The following ASAP1 variants were observed in gnomAD, a reference collection of about 807,000 sequenced individuals.
The protein encoded by ASAP1 is ArfGAP with SH3 domain, ankyrin repeat and PH domain 1, also known as arf-GAP with SH3 domain, ANK repeat and PH domain-containing protein 1.
In ASAP1, 43 loss-of-function variants were observed where a neutral mutation model predicts 145.2. That is an observed-to-expected ratio of 0.30 (90% confidence interval 0.23 to 0.38). ASAP1 has a LOEUF of 0.38. Among genes scored for constraint, ASAP1 ranks in the 10% least tolerant of loss-of-function variants. ASAP1 has a pLI of 1.00. For missense variants in ASAP1, 1,018 were observed against 1,355.3 expected (o/e 0.75, Z 3.91); for synonymous variants, 546 against 515.5 (o/e 1.06, Z -0.80).
At chr8:130,420,711 T>A (rs1196640184) in intron 1 of ASAP1, among the ~76,000 whole-genome samples, 1 of 151,986 alleles carries the variant, frequency 6.6e-6, no homozygotes, top group Non-Finnish European at 1.5e-5. Flanking sequence ...CTGGCCAACA[T>A]GGAGAAACCC....
intron 3 of ASAP1, among the ~76,000 whole-genome samples, chr8:130,297,294 C>A (rs1008334569): frequency 3.6e-4 from 55 of 152,186 alleles, no homozygotes; most frequent in Middle Eastern, 3.2e-3. Context: ...CGTAGTCGGC[C>A]CTGCAGAACC....
At chr8:130,185,739 AAAAAAAAAAGAAAAAGAAAAAG>A (rs1814675838) in intron 7 of ASAP1, among the ~76,000 whole-genome samples, 1 of 151,128 alleles carries the variant, frequency 6.6e-6, no homozygotes, top group South Asian at 2.1e-4. Flanking sequence ...CAAAAAAAAA[AAAAAAAAAAGAAAAAGAAAAAG>A]AAAAAAAAAG....
intron 4 of ASAP1, among the ~76,000 whole-genome samples, chr8:130,219,099 A>C (rs185962844): frequency 6.6e-6 from 1 of 152,178 alleles, no homozygotes. Flanking sequence ...TGTGCCCCAA[A>C]ATGTCAGCTA....
intron 2 of ASAP1, among the ~76,000 whole-genome samples, chr8:130,398,329 T>A (rs1311790964): frequency 6.6e-6 from 1 of 152,180 alleles, no homozygotes; most frequent in South Asian, 2.1e-4. Context: ...CAAGTTACTA[T>A]CCTCTCTGAC....
chr8:130,283,719 G>A (rs1158125416), intron 3 of ASAP1, among the ~76,000 whole-genome samples: 3 of 151,828 alleles, frequency 2.0e-5, no homozygotes, highest in Non-Finnish European at 2.9e-5. Flanking sequence ...ACAGAAAGTT[G>A]TAGTTGAGAC....
At chr8:130,070,099 C>G (rs985637858) in intron 27 of ASAP1, among the ~76,000 whole-genome samples, 32 of 152,122 alleles carry the variant, frequency 2.1e-4, no homozygotes, top group Non-Finnish European at 3.4e-4. Context: ...TGCAGTGGCG[C>G]AATCTCGGCT....
rs1325153712 is a variant in ASAP1 at position 130,358,741 on chromosome 8, G to A, written c.60-598C>T. Among the ~76,000 whole-genome samples the A allele has an allele frequency of 9.8e-6, 1 of 102,178 alleles. No homozygotes were observed. Among genetic ancestry groups the A allele is most frequent in the South Asian group, 3.3e-4 (1 of 3,062 alleles). The allele number at this position is 102,178 out of a possible 152,430, so 67.0% of individuals were successfully genotyped here. On this transcript the variant is annotated intron_variant, in intron 2 of 29. Transcript: ENST00000518721. This position sits in a 1 kb window ranked among gnomAD's most constrained non-coding sequence, Gnocchi z 4.1. ...CCGCCCGCGCCCCGCCCCCGGCCCG[G>A]CCCCCGCCCCGCCCCGCCCCCGCTC...
At chr8:130,419,988 G>T (rs1294026506) in intron 1 of ASAP1, among the ~76,000 whole-genome samples, 8 of 149,916 alleles carry the variant, frequency 5.3e-5, no homozygotes, top group African/African-American at 1.5e-4. Context: ...TGGGGGTCTT[G>T]CTATGTTTAC....
intron 29 of ASAP1, 53 bp from the exon 30 acceptor site, chr8:130,054,858 C>T (rs149209877): frequency 2.7e-5 from 40 of 1,466,190 alleles, no homozygotes; most frequent in Admixed American, 2.3e-4. Flanking sequence ...AGTGGCCCCA[C>T]GACAAACCCA....
intron 5 of ASAP1, among the ~76,000 whole-genome samples, chr8:130,203,001 A>G (rs916480379): frequency 2.6e-5 from 4 of 152,204 alleles, no homozygotes; most frequent in Admixed American, 6.5e-5. Context: ...GAAAAGGGGA[A>G]GTGGCAACCA....
intron 1 of ASAP1, among the ~76,000 whole-genome samples, chr8:130,420,622 G>C (rs552440189): frequency 2.2e-4 from 33 of 152,118 alleles, no homozygotes; most frequent in African/African-American, 8.0e-4. Context: ...GGCCAGGTGC[G>C]GTGGCTCACA....
In ASAP1 at chr8:130,054,608, G is replaced by GGA. The variant is rs2097399603; in HGVS notation, c.*122_*123insTC. The GGA allele has an allele frequency of 5.1e-6, 4 of 786,366 alleles. No individual in the cohort carries two copies. Among genetic ancestry groups the GGA allele is most frequent in the Non-Finnish European group, 8.9e-6 (4 of 451,066 alleles). The allele number at this position is 786,366 out of a possible 1,614,324, so 48.7% of individuals were successfully genotyped here. The stretch of plus-strand genomic sequence containing the variant: ...ACAACACACATTATATCCCCCTCCT[G>GGA]AGGTGGCCCTTCCATGAGTTTCTTA... On this transcript the variant is annotated 3_prime_UTR_variant, in exon 30 of 30. Coordinates refer to ENST00000518721, the MANE Select transcript of ASAP1 (RefSeq NM_018482.4).
intron 3 of ASAP1, among the ~76,000 whole-genome samples, chr8:130,350,932 G>A (rs1004198546): frequency 2.0e-5 from 3 of 152,214 alleles, no homozygotes; most frequent in Admixed American, 2.0e-4. Flanking sequence ...AACAGTCCCA[G>A]ACTAAGCATG....
At chr8:130,294,253 A>G (rs1398710438) in intron 3 of ASAP1, among the ~76,000 whole-genome samples, 1 of 152,222 alleles carries the variant, frequency 6.6e-6, no homozygotes, top group Non-Finnish European at 1.5e-5. Flanking sequence ...TGTACTCATA[A>G]GACTTTCGAG....
chr8:130,118,345 C>T (rs186941931), intron 19 of ASAP1, 99 bp from the exon 20 acceptor site: 59 of 1,347,492 alleles, frequency 4.4e-5, no homozygotes, highest in Admixed American at 1.5e-4. Flanking sequence ...AAGGAGCACA[C>T]CTCTTCACTC....
chr8:130,180,653 CAA>C, intron 8 of ASAP1, 96 bp downstream of exon 8: 1 of 1,388,060 alleles, frequency 7.2e-7, no homozygotes, highest in Non-Finnish European at 9.7e-7. Context: ...CTCTAATAAT[CAA>C]ACAGAGTCTG....
intron 21 of ASAP1, 65 bp from the exon 22 acceptor site, chr8:130,116,810 A>G: frequency 6.3e-7 from 1 of 1,584,514 alleles, no homozygotes. Context: ...GCAAGGAACA[A>G]TAATCAAATT....
intron 16 of ASAP1, among the ~76,000 whole-genome samples, chr8:130,127,661 C>T (rs2097577076): frequency 6.6e-6 from 1 of 152,088 alleles, no homozygotes; most frequent in South Asian, 2.1e-4. Context: ...CCATAATGTC[C>T]ATGGTGCTTA....
At position 130,402,920 on chromosome 8, in the gene ASAP1, GTTTT is replaced by G. The variant is rs869195255; in HGVS notation, c.-27-954_-27-951del. On this transcript the variant is annotated intron_variant, in intron 1 of 29. Transcript: ENST00000518721. ...TGAAAGCAGAATAATCTTTTGTGGG[GTTTT>G]TTTTTTTTTAATCTTTTATTACAGG... is the stretch of plus-strand genomic sequence containing the variant. Among the ~76,000 whole-genome samples the G allele has an allele frequency of 5.8e-3, 578 of 100,136 alleles. 8 individuals carry two copies. The highest frequency in any genetic ancestry group is 0.03 in the African/African-American group (555 of 18,700). 65.7% of individuals were successfully genotyped at this position (100,136 alleles called of 152,430 possible).
Sources: allele counts gnomAD v4.1 joint callset (sites outside exome capture counted in the v4.1 genomes callset), GRCh38; gene constraint gnomAD v4.1.1; non-coding constraint Gnocchi (gnomAD v3.1); transcripts MANE v1.5; gene names NCBI Gene and HGNC (gene_info 2026-07-23, HGNC 2026-07-21).